HECW2: variants seen among roughly 807,000 people sequenced by gnomAD.
HECW2 encodes the protein E3 ubiquitin-protein ligase HECW2.
HECW2 carries 61 observed loss-of-function variants against 175.2 expected under a neutral mutation model. The ratio of observed to expected loss-of-function variants is 0.35; its 90% confidence interval spans 0.28 to 0.43. The LOEUF (loss-of-function observed/expected upper bound fraction) is 0.43. Ranked by LOEUF, HECW2 falls within the 20% of genes least tolerant of loss-of-function variation. The pLI is 1.00. For synonymous variants in HECW2, 671 were observed against 731.0 expected (o/e 0.92, Z 1.32); for missense variants, 1,524 against 2,000.5 (o/e 0.76, Z 4.54).
chr2:196,562,449 A>G (rs1317571182), intron 1 of HECW2, among the ~76,000 whole-genome samples: 1 of 152,238 alleles, frequency 6.6e-6, no homozygotes, highest in African/African-American at 2.4e-5. Context: ...ACTGTTTTCA[A>G]TGGCATTTTC....
chr2:196,569,941 T>A (rs1213607725), intron 1 of HECW2, among the ~76,000 whole-genome samples: 1 of 152,242 alleles, frequency 6.6e-6, no homozygotes, highest in African/African-American at 2.4e-5. Context: ...GGTAGGAGAA[T>A]GCCTGAACCC....
At chr2:196,590,302 G>A (rs1042800144) in intron 1 of HECW2, among the ~76,000 whole-genome samples, 2 of 152,096 alleles carry the variant, frequency 1.3e-5, no homozygotes, top group Non-Finnish European at 2.9e-5. Flanking sequence ...TGATACAAAA[G>A]GCATCCTGTG....
At chr2:196,207,529 T>C (rs7598469) in intron 28 of HECW2, among the ~76,000 whole-genome samples, 18,168 of 152,210 alleles carry the variant, frequency 0.12, 2,235 homozygotes, top group African/African-American at 0.32. Context: ...CAGAGCACAA[T>C]GCCCTGACCT....
In HECW2 at chr2:196,332,633, G is replaced by T. The variant is rs115906142; in HGVS notation, c.495+1791C>A. ...GTTCAACAAACCGTAAACTCCCACT[G>T]CCTTCAATGATATCTAAATACTGAA... On this transcript the variant is annotated intron_variant, in intron 4 of 28. Coordinates refer to ENST00000644978, the MANE Select transcript of HECW2 (RefSeq NM_001348768.2). Among the ~76,000 whole-genome samples the T allele has an allele frequency of 1.4e-3, 212 of 152,210 alleles. 1 individual carries two copies. The highest frequency in any genetic ancestry group is 4.9e-3 in the African/African-American group (202 of 41,534).
intron 1 of HECW2, among the ~76,000 whole-genome samples, chr2:196,447,919 C>T (rs1358626264): frequency 2.0e-5 from 3 of 152,004 alleles, no homozygotes; most frequent in Non-Finnish European, 4.4e-5. Context: ...GCTAGCCATG[C>T]GTGGTGGCGC....
intron 1 of HECW2, among the ~76,000 whole-genome samples, chr2:196,582,425 G>GT (rs1413478746): frequency 6.6e-6 from 1 of 152,176 alleles, no homozygotes; most frequent in African/African-American, 2.4e-5. Flanking sequence ...TTCTGTTTCT[G>GT]TATCTCCTTG....
chr2:196,274,247 A>G, intron 15 of HECW2, 124 bp from the exon 16 acceptor site: 2 of 663,938 alleles, frequency 3.0e-6, no homozygotes, highest in Non-Finnish European at 5.3e-6. Context: ...ATCAGAACAG[A>G]TACCAGCTGT....
chr2:196,469,085 T>C (rs1200471719), intron 1 of HECW2, among the ~76,000 whole-genome samples: 1 of 150,106 alleles, frequency 6.7e-6, no homozygotes, highest in Non-Finnish European at 1.5e-5. Flanking sequence ...TTATTTTCTA[T>C]CGCAGGTCAC....
chr2:196,442,053 T>C (rs187216552), intron 1 of HECW2, among the ~76,000 whole-genome samples: 38 of 152,224 alleles, frequency 2.5e-4, no homozygotes, highest in East Asian at 7.7e-4. Flanking sequence ...TTCCAAAAAA[T>C]TGTTAATTTT....
chr2:196,433,396 G>A lies in HECW2; in HGVS notation c.28C>T (p.Leu10Phe). 6.2e-7 allele frequency: 1 copy of A among 1,613,970 alleles called. No homozygotes were observed. Among genetic ancestry groups the A allele is most frequent in the Non-Finnish European group, 8.5e-7 (1 of 1,179,948 alleles). ...TGGGGATTTCGACGCCTCACAAAAAGCAGGTGCTCCCGGGCTGAACTAGCC... is the reference window on the plus strand; with the variant it reads ...TGGGGATTTCGACGCCTCACAAAAAACAGGTGCTCCCGGGCTGAACTAGCC... MASSAREHL[L>F]FVRRRNPQMR... The change falls in exon 2 of 29, where the codon CTT (leucine) becomes TTT (phenylalanine). Residue 10 changes from leucine to phenylalanine, a missense_variant. Transcript: ENST00000644978.
At chr2:196,305,844 T>A (rs1209598044) in intron 13 of HECW2, among the ~76,000 whole-genome samples, 3 of 152,188 alleles carry the variant, frequency 2.0e-5, no homozygotes, top group African/African-American at 7.2e-5. Flanking sequence ...TAGACTTCTA[T>A]GGCCAATGTT....
chr2:196,251,080 C>T (rs116784177), intron 19 of HECW2, among the ~76,000 whole-genome samples: 2,213 of 152,202 alleles, frequency 0.015, 53 homozygotes, highest in African/African-American at 0.05. Flanking sequence ...CACTCTGTTG[C>T]CCAGGCTGGA....
intron 1 of HECW2, among the ~76,000 whole-genome samples, chr2:196,448,491 C>T (rs1030639064): frequency 1.3e-5 from 2 of 152,154 alleles, no homozygotes; most frequent in Non-Finnish European, 2.9e-5. Context: ...TCATATGGAA[C>T]CCAGGTTTAT....
At chr2:196,455,422 T>G (rs1294099276) in intron 1 of HECW2, among the ~76,000 whole-genome samples, 1 of 152,254 alleles carries the variant, frequency 6.6e-6, no homozygotes, top group East Asian at 1.9e-4. Context: ...TGATTTATTT[T>G]TCTGAGATAA....
chr2:196,292,447 G>A (rs1690635780), intron 14 of HECW2, 118 bp downstream of exon 14: 1 of 799,978 alleles, frequency 1.3e-6, no homozygotes, highest in South Asian at 1.8e-5. Flanking sequence ...TGAACAGAAG[G>A]TGGAATGTTT....
chr2:196,543,352 A>G (rs971785681), intron 1 of HECW2, among the ~76,000 whole-genome samples: 1 of 151,506 alleles, frequency 6.6e-6, no homozygotes, highest in African/African-American at 2.4e-5. Context: ...AACATTCAAG[A>G]TACATTTTAA....
intron 21 of HECW2, among the ~76,000 whole-genome samples, chr2:196,235,645 A>ATTTTT (rs1559454147): frequency 1.0e-5 from 1 of 100,494 alleles, no homozygotes; most frequent in African/African-American, 3.8e-5. Context: ...TAGATGCATT[A>ATTTTT]TTCTTTTTTT....
At chr2:196,339,512 C>T (rs901024564) in intron 3 of HECW2, among the ~76,000 whole-genome samples, 1 of 152,166 alleles carries the variant, frequency 6.6e-6, no homozygotes, top group African/African-American at 2.4e-5. Context: ...TCTAAGCTCA[C>T]TCATTGATAC....
At chr2:196,299,916 G>A (rs1375123052) in intron 13 of HECW2, among the ~76,000 whole-genome samples, 9 of 130,012 alleles carry the variant, frequency 6.9e-5, no homozygotes, top group African/African-American at 2.3e-4. Context: ...GCGACAGAGC[G>A]AAACTCTGTC....
Sources: gnomAD v4.1 joint callset for allele counts (sites outside exome capture counted in the v4.1 genomes callset) on GRCh38, gnomAD v4.1.1 for gene constraint, MANE v1.5 for transcripts, NCBI Gene and HGNC (gene_info 2026-07-23, HGNC 2026-07-21) for gene names.